The following MBNL2 variants were observed in gnomAD, a reference collection of about 807,000 sequenced individuals.
MBNL2 encodes muscleblind-like protein 2.
In MBNL2, 17 loss-of-function variants were observed where a neutral mutation model predicts 41.9. That is an observed-to-expected ratio of 0.41 (90% CI 0.28 to 0.61). The LOEUF is 0.61. Ranked by LOEUF, MBNL2 falls within the 20% of genes least tolerant of loss-of-function variation. MBNL2 has a pLI of 0.35. For missense variants in MBNL2, 336 were observed against 505.6 expected (o/e 0.66, Z 3.22); for synonymous variants, 195 against 182.9 (o/e 1.07, Z -0.53).
the MBNL2 span, among the ~76,000 whole-genome samples, chr13:97,188,682 GA>G: frequency 6.6e-6 from 1 of 150,624 alleles, no homozygotes; most frequent in African/African-American, 2.4e-5. Context: ...ATGCATGTTT[GA>G]AAGCTTATTT....
intron 3 of MBNL2, among the ~76,000 whole-genome samples, chr13:97,337,883 C>T (rs1440792261): frequency 1.3e-5 from 2 of 152,196 alleles, no homozygotes; most frequent in Non-Finnish European, 2.9e-5. Context: ...ACATCCAGTT[C>T]AACAGCAAGT....
intron 5 of MBNL2, 50 bp downstream of exon 5, chr13:97,347,117 C>T (rs759576750): frequency 4.1e-5 from 57 of 1,400,200 alleles, no homozygotes; most frequent in South Asian, 8.9e-5. Context: ...CTGCGGAGGC[C>T]GCTCCGGGCT....
the MBNL2 span, among the ~76,000 whole-genome samples, chr13:97,179,146 T>C: frequency 6.6e-6 from 1 of 152,178 alleles, no homozygotes; most frequent in Non-Finnish European, 1.5e-5. Flanking sequence ...ACGCCTCCCT[T>C]AACGTAATGC....
intron 8 of MBNL2, among the ~76,000 whole-genome samples, chr13:97,368,700 T>TTGTGTGTGTGTGTGTGTGTGTGTG (rs140107508): frequency 1.3e-5 from 2 of 148,270 alleles, no homozygotes; most frequent in Non-Finnish European, 3.0e-5. Context: ...ATATTCAAGT[T>TTGTGTGTGTGTGTGTGTGTGTGTG]TGTGTGTGTG....
the MBNL2 span, among the ~76,000 whole-genome samples, chr13:97,164,974 G>A: frequency 1.3e-5 from 2 of 152,214 alleles, no homozygotes; most frequent in Non-Finnish European, 2.9e-5. Context: ...AGAGGCCGAG[G>A]TGGCGGATCA....
rs537929130 is a variant in MBNL2, at chr13:97,357,549, G to A, written c.926G>A (p.Ser309Asn). ...GCACTTGAAAAAAGCAATGGTACCA[G>A]CGCGGTCTTTAACCCCAGCGTCTTG... ...RQALEKSNGTSAVFNPSVLHY... is the reference protein window; with the variant it reads ...RQALEKSNGTNAVFNPSVLHY... Residue 309 changes from serine to asparagine, a missense_variant, in exon 7 of 9, where the codon AGC (serine) becomes AAC (asparagine). Transcript: ENST00000679496. The A allele has an allele frequency of 1.4e-5, 22 of 1,613,984 alleles. No homozygotes were observed. The South Asian group carries it at 1.8e-4, about 13-fold the overall frequency.
chr13:97,154,705 C>G, the MBNL2 span, among the ~76,000 whole-genome samples: 1 of 152,080 alleles, frequency 6.6e-6, no homozygotes, highest in African/African-American at 2.4e-5. Context: ...GAATTTGAGT[C>G]TTACTCTGCC....
intron 3 of MBNL2, among the ~76,000 whole-genome samples, chr13:97,335,446 C>A (rs552088735): frequency 6.6e-6 from 1 of 152,182 alleles, no homozygotes; most frequent in African/African-American, 2.4e-5. Flanking sequence ...ATTTGATTTT[C>A]TTGTTGTGTT....
At chr13:97,225,323 T>C (rs1411119833) in intron 1 of MBNL2, among the ~76,000 whole-genome samples, 1 of 152,164 alleles carries the variant, frequency 6.6e-6, no homozygotes, top group Non-Finnish European at 1.5e-5. Context: ...TCCTGTACTT[T>C]CCTACCGATA....
At chr13:97,150,963 C>T in the MBNL2 span, among the ~76,000 whole-genome samples, 954 of 152,282 alleles carry the variant, frequency 6.3e-3, 10 homozygotes, top group African/African-American at 0.022. Context: ...ATAGAAAAGG[C>T]AGATTGACCT....
the MBNL2 span, among the ~76,000 whole-genome samples, chr13:97,209,140 T>C: frequency 5.3e-5 from 8 of 152,224 alleles, no homozygotes; most frequent in African/African-American, 1.7e-4. Flanking sequence ...TAAATCCCTA[T>C]ATTTCCTTTA....
the MBNL2 span, among the ~76,000 whole-genome samples, chr13:97,184,839 A>G: frequency 6.4e-3 from 974 of 152,176 alleles, 11 homozygotes; most frequent in East Asian, 0.036. Flanking sequence ...ATAATAATTT[A>G]TTCCTCCATC....
At chr13:97,330,911 T>G (rs2060382366) in intron 2 of MBNL2, among the ~76,000 whole-genome samples, 1 of 152,180 alleles carries the variant, frequency 6.6e-6, no homozygotes, top group African/African-American at 2.4e-5. Flanking sequence ...GGTGCATAAT[T>G]CTTCAAAATA....
At chr13:97,154,841 A>ATGGATG in the MBNL2 span, among the ~76,000 whole-genome samples, 1 of 124,432 alleles carries the variant, frequency 8.0e-6, no homozygotes, top group Non-Finnish European at 1.8e-5. Context: ...ATGGATGGAT[A>ATGGATG]GACAAGCTGA....
At chr13:97,284,612 TG>T (rs1186428887) in intron 2 of MBNL2, among the ~76,000 whole-genome samples, 1 of 152,198 alleles carries the variant, frequency 6.6e-6, no homozygotes, top group Non-Finnish European at 1.5e-5. Context: ...ACATATATTT[TG>T]GGGGAACACA....
chr13:97,187,815 G>A, the MBNL2 span, among the ~76,000 whole-genome samples: 1 of 151,344 alleles, frequency 6.6e-6, no homozygotes, highest in Non-Finnish European at 1.5e-5. Context: ...GCTGAGGCAG[G>A]AGAATGGCGT....
intron 1 of MBNL2, among the ~76,000 whole-genome samples, chr13:97,227,467 A>G (rs2041817932): frequency 6.6e-6 from 1 of 152,238 alleles, no homozygotes; most frequent in Non-Finnish European, 1.5e-5. Context: ...AAATGTCTTC[A>G]GAAGGAGAAT....
chr13:97,334,596 T>TA lies in MBNL2; in HGVS notation c.339+163dup. 6.6e-6 allele frequency among the ~76,000 whole-genome samples: 1 copy of TA among 152,252 alleles called. No individual in the cohort carries two copies. The highest frequency in any genetic ancestry group is 2.1e-4 in the South Asian group (1 of 4,824). ...CAATAGATGAAGGAAAATAGGCTTTTAAAAAAATTAATAGAAAAATATTTG... is the reference window on the plus strand; with the variant it reads ...CAATAGATGAAGGAAAATAGGCTTTTAAAAAAAATTAATAGAAAAATATTTG... On this transcript the variant is annotated intron_variant, in intron 3 of 8. Transcript: ENST00000679496. This position sits in a 1 kb window ranked among gnomAD's most constrained non-coding sequence, Gnocchi z 5.3.
At chr13:97,272,211 G>A (rs367882724) in intron 1 of MBNL2, among the ~76,000 whole-genome samples, 6 of 152,014 alleles carry the variant, frequency 3.9e-5, no homozygotes, top group African/African-American at 7.2e-5. Flanking sequence ...TGTTGGCTGC[G>A]TAAATGTCTT....
Sources: allele counts gnomAD v4.1 joint callset (sites outside exome capture counted in the v4.1 genomes callset), GRCh38; gene constraint gnomAD v4.1.1; non-coding constraint Gnocchi (gnomAD v3.1); transcripts MANE v1.5; gene names NCBI Gene and HGNC (gene_info 2026-07-23, HGNC 2026-07-21).